The following GAS7 variants were observed in gnomAD, a reference collection of about 807,000 sequenced individuals.
GAS7 encodes the protein growth arrest-specific protein 7.
A neutral mutation model predicts 71.1 loss-of-function variants in GAS7; 28 were observed. The ratio of observed to expected loss-of-function variants is 0.39; its 90% CI spans 0.29 to 0.54. The LOEUF (loss-of-function observed/expected upper bound fraction) is 0.54. GAS7 is among the 20% of genes least tolerant of loss of function. The pLI is 0.62. For missense variants in GAS7, 436 were observed against 627.8 expected (o/e 0.69, Z 3.27); for synonymous variants, 258 against 245.8 (o/e 1.05, Z -0.46).
chr17:10,103,089 C>T lies in GAS7; in HGVS notation c.184-83192G>A, dbSNP rs1202048149. On this transcript the variant is annotated intron_variant, in intron 1 of 13. Coordinates refer to ENST00000432992, the MANE Select transcript of GAS7 (RefSeq NM_201433.2). This position sits in a 1 kb window ranked among gnomAD's most constrained non-coding sequence, Gnocchi z 5.5. ...AACCCTGACCGGACGTAGTGGCTCA[C>T]ACCTGTAATCCCAGCATTTTGGGAG... Among the ~76,000 whole-genome samples the T allele has an allele frequency of 6.6e-6, 1 of 152,138 alleles. No homozygotes were observed. Among genetic ancestry groups the T allele is most frequent in the Non-Finnish European group, 1.5e-5 (1 of 68,022 alleles).
chr17:9,977,509 C>T (rs1237453411), intron 3 of GAS7, among the ~76,000 whole-genome samples: 1 of 152,180 alleles, frequency 6.6e-6, no homozygotes, highest in Non-Finnish European at 1.5e-5. Context: ...TCAATATTTG[C>T]AGCAGTTACT....
At chr17:10,184,425 C>A (rs62064620) in intron 1 of GAS7, among the ~76,000 whole-genome samples, 26,040 of 152,190 alleles carry the variant, frequency 0.17, 2,618 homozygotes, top group Middle Eastern at 0.25. Flanking sequence ...CTTTCCATGA[C>A]CCTGGGTAGC....
At chr17:10,028,067 T>C (rs1267655072) in intron 1 of GAS7, among the ~76,000 whole-genome samples, 1 of 152,170 alleles carries the variant, frequency 6.6e-6, no homozygotes, top group African/African-American at 2.4e-5. Context: ...TATTTTGTTT[T>C]GTTTTGTTCT....
intron 2 of GAS7, among the ~76,000 whole-genome samples, chr17:9,995,865 G>A (rs2071021642): frequency 1.3e-5 from 2 of 152,226 alleles, no homozygotes; most frequent in Admixed American, 6.5e-5. Context: ...TCACCAACAG[G>A]GGACAATGAT....
In GAS7 at chr17:10,000,672, C is replaced by T. The variant is rs9905664; in HGVS notation, c.305-18788G>A. On this transcript the variant is annotated intron_variant, in intron 2 of 13. Coordinates refer to ENST00000432992, the MANE Select transcript of GAS7 (RefSeq NM_201433.2). ...AATTCTGCTAGTGAAGAAAGTTCTG[C>T]GTTTGCACACCTTGTTATAAGAATC... 5.1e-3 allele frequency among the ~76,000 whole-genome samples: 784 copies of T among 152,256 alleles called. 2 individuals are homozygous for T. The highest frequency in any genetic ancestry group is 0.018 in the African/African-American group (753 of 41,528).
chr17:10,006,038 C>T (rs904924655), intron 2 of GAS7, among the ~76,000 whole-genome samples: 1 of 152,174 alleles, frequency 6.6e-6, no homozygotes, highest in Non-Finnish European at 1.5e-5. Flanking sequence ...CACTAAGCCA[C>T]TGGGCTCTGC....
At chr17:10,159,266 A>G (rs2142116674) in intron 1 of GAS7, among the ~76,000 whole-genome samples, 1 of 151,602 alleles carries the variant, frequency 6.6e-6, no homozygotes, top group African/African-American at 2.4e-5. Flanking sequence ...AAGAGTAAAC[A>G]TATGATACAC....
intron 1 of GAS7, among the ~76,000 whole-genome samples, chr17:10,027,898 G>GT (rs1179630231): frequency 6.6e-6 from 1 of 152,128 alleles, no homozygotes; most frequent in Non-Finnish European, 1.5e-5. Context: ...TGTTTGTTTT[G>GT]TTTTTTGACG....
At chr17:10,039,530 A>G (rs1048598579) in intron 1 of GAS7, among the ~76,000 whole-genome samples, 1 of 152,080 alleles carries the variant, frequency 6.6e-6, no homozygotes, top group East Asian at 1.9e-4. Flanking sequence ...AAAAATACAA[A>G]AAATTGGCTA....
chr17:9,928,560 A>G (rs1205337035), intron 9 of GAS7, among the ~76,000 whole-genome samples: 1 of 152,106 alleles, frequency 6.6e-6, no homozygotes, highest in Non-Finnish European at 1.5e-5. Flanking sequence ...CACCACCGCA[A>G]ATCTGCCTCC....
intron 1 of GAS7, among the ~76,000 whole-genome samples, chr17:10,128,178 C>A (rs1301107495): frequency 6.6e-6 from 1 of 152,228 alleles, no homozygotes; most frequent in East Asian, 1.9e-4. Context: ...CTCCAGTGCC[C>A]AACCCACACA....
intron 1 of GAS7, among the ~76,000 whole-genome samples, chr17:10,182,431 A>T (rs2074423515): frequency 1.3e-5 from 2 of 152,212 alleles, no homozygotes. Context: ...AACTGCTGGG[A>T]TTACAGGCAT....
chr17:10,182,992 TAAG>T (rs779110693), intron 1 of GAS7, among the ~76,000 whole-genome samples: 38 of 152,094 alleles, frequency 2.5e-4, no homozygotes, highest in Non-Finnish European at 4.6e-4. Context: ...CAAACCCAGG[TAAG>T]AAGCCATTAA....
chr17:10,024,351 T>C (rs559673618), intron 1 of GAS7, among the ~76,000 whole-genome samples: 4 of 152,300 alleles, frequency 2.6e-5, no homozygotes, highest in African/African-American at 9.6e-5. Flanking sequence ...ATTCTTCTAA[T>C]TAGTTTCCTT....
chr17:9,922,890 ACT>A (rs1347233804), intron 11 of GAS7, among the ~76,000 whole-genome samples: 1 of 152,208 alleles, frequency 6.6e-6, no homozygotes, highest in Non-Finnish European at 1.5e-5. Context: ...TACATATTTC[ACT>A]GTCTTTTTTT....
chr17:10,188,600 T>A (rs961178096), intron 1 of GAS7, among the ~76,000 whole-genome samples: 1 of 152,204 alleles, frequency 6.6e-6, no homozygotes, highest in African/African-American at 2.4e-5. Context: ...CTGGCGAGAC[T>A]AAATAGTTGA....
At chr17:9,943,805 C>T (rs2068694006) in intron 6 of GAS7, among the ~76,000 whole-genome samples, 1 of 152,166 alleles carries the variant, frequency 6.6e-6, no homozygotes, top group Non-Finnish European at 1.5e-5. Flanking sequence ...GGACAGGCTG[C>T]CCTGAAATAC....
At chr17:10,079,876 T>C (rs1025101461) in intron 1 of GAS7, among the ~76,000 whole-genome samples, 3 of 152,126 alleles carry the variant, frequency 2.0e-5, no homozygotes, top group Non-Finnish European at 4.4e-5. Context: ...CCACGCACAA[T>C]GGCAACAAAA....
chr17:9,996,635 T>A lies in GAS7; in HGVS notation c.305-14751A>T, dbSNP rs554278601. 2.0e-3 allele frequency among the ~76,000 whole-genome samples: 299 copies of A among 151,058 alleles called. 1 individual carries two copies. Among genetic ancestry groups the A allele is most frequent in the African/African-American group, 4.2e-3 (175 of 41,218 alleles). ...TATATATACACACATATATATATATTTTTTATTATTTTTTATTTTTTGAGA... is the reference window on the plus strand; with the variant it reads ...TATATATACACACATATATATATATATTTTATTATTTTTTATTTTTTGAGA... On this transcript the variant is annotated intron_variant, in intron 2 of 13. Transcript: ENST00000432992.
Sources: allele counts gnomAD v4.1 joint callset (sites outside exome capture counted in the v4.1 genomes callset), GRCh38; gene constraint gnomAD v4.1.1; non-coding constraint Gnocchi (gnomAD v3.1); transcripts MANE v1.5; gene names NCBI Gene and HGNC (gene_info 2026-07-23, HGNC 2026-07-21).